The following PCYT1B variants were observed in gnomAD, a reference collection of about 807,000 sequenced individuals.
PCYT1B encodes choline-phosphate cytidylyltransferase B.
In PCYT1B, 10 loss-of-function variants were observed where a neutral mutation model predicts 26.4. The observed-to-expected ratio is 0.38, with a 90% CI of 0.23 to 0.64. The LOEUF (loss-of-function observed/expected upper bound fraction) is 0.64, where lower values mean the gene tolerates loss of function less well. Among genes scored for constraint, PCYT1B ranks in the 30% least tolerant of loss-of-function variants. The pLI, the probability that PCYT1B is intolerant of heterozygous loss-of-function variation, is 0.56. For synonymous variants in PCYT1B, 131 were observed against 108.4 expected, an observed-to-expected ratio of 1.21 and a Z score of -1.29; for missense variants, 161 against 292.7, an observed-to-expected ratio of 0.55 and a Z score of 3.28.
At position 24,575,238 on chromosome X, in the gene PCYT1B, A is replaced by G. The variant is rs147546906; in HGVS notation, c.789T>C (p.Phe263=). Residue 263 remains phenylalanine (F), a synonymous_variant, in exon 7 of 8, where the codon TTT becomes TTC. Transcript: ENST00000379144. The stretch of plus-strand genomic sequence containing the variant: ...GGCTCTTTTCTTCCACTCTGTTCAC[A>G]AATTCCTTTGATCTTTCCTCCACAT... The part of the protein sequence containing the change: ...VKNVEERSKE[F]VNRVEEKSHD... The G allele has an allele frequency of 9.5e-5, 114 of 1,206,214 alleles. No homozygotes were observed. Among genetic ancestry groups the G allele is most frequent in the Non-Finnish European group, 1.2e-4 (108 of 892,406 alleles).
intron 1 of PCYT1B, among the ~76,000 whole-genome samples, chrX:24,629,249 A>G (rs1455954132): frequency 9.0e-6 from 1 of 111,610 alleles, no homozygotes; most frequent in African/African-American, 3.2e-5. Flanking sequence ...CAGTTTAAAA[A>G]TTATCTTAAA....
intron 1 of PCYT1B, among the ~76,000 whole-genome samples, chrX:24,654,410 G>A (rs1002084555): frequency 2.6e-4 from 27 of 101,911 alleles, no homozygotes; most frequent in African/African-American, 7.8e-4. Flanking sequence ...CCTGGCCCAC[G>A]TTTCCTTTTT....
intron 1 of PCYT1B, among the ~76,000 whole-genome samples, chrX:24,630,164 T>C (rs1004235416): frequency 8.9e-6 from 1 of 112,545 alleles, no homozygotes; most frequent in Admixed American, 9.5e-5. Flanking sequence ...AACAATGTTA[T>C]ATCATATTCA....
Position 24,623,364 on chromosome X carries a change from C to CATATATATATAT in PCYT1B, c.118-4292_118-4281dup, listed in dbSNP as rs57642734. Among the ~76,000 whole-genome samples, 209 of 79,601 alleles carry CATATATATATAT rather than the reference C, an allele frequency of 2.6e-3. 3 individuals carry two copies. Among genetic ancestry groups the CATATATATATAT allele is most frequent in the South Asian group, 3.5e-3 (5 of 1,431 alleles). The allele number at this position is 79,601 out of a possible 115,157, so 69.1% of individuals were successfully genotyped here. On this transcript the variant is annotated intron_variant, in intron 1 of 7. Transcript: ENST00000379144. ...GGGTTTGGTTGGCACATGAGATTTA[C>CATATATATATAT]ATATATATATATATATATATATATA...
At chrX:24,609,487 C>A (rs1925241950) in intron 2 of PCYT1B, among the ~76,000 whole-genome samples, 1 of 112,346 alleles carries the variant, frequency 8.9e-6, no homozygotes, top group South Asian at 3.6e-4. Flanking sequence ...ATACAAAGAC[C>A]ATCAGTTAAA....
At chrX:24,590,203 T>A (rs778230686) in intron 3 of PCYT1B, 29 bp from the exon 4 acceptor site, 1 of 1,191,400 alleles carries the variant, frequency 8.4e-7, no homozygotes, top group Non-Finnish European at 1.1e-6. Flanking sequence ...TTAAATGCCA[T>A]TACTCGGCCC....
At chrX:24,573,163 C>CACAT (rs1555955754) in intron 7 of PCYT1B, among the ~76,000 whole-genome samples, 2 of 24,574 alleles carry the variant, frequency 8.1e-5, no homozygotes, top group African/African-American at 1.8e-4. Flanking sequence ...CACACACACA[C>CACAT]ATATATATAT....
intron 5 of PCYT1B, among the ~76,000 whole-genome samples, chrX:24,581,057 T>C (rs1924190416): frequency 1.8e-5 from 2 of 111,823 alleles, no homozygotes; most frequent in East Asian, 5.6e-4. Context: ...CAACACCATC[T>C]TGGTCAAAGA....
chrX:24,562,023 T>C lies in PCYT1B; in HGVS notation c.*270A>G, dbSNP rs758890219. On this transcript the variant is annotated 3_prime_UTR_variant, in exon 8 of 8. Coordinates refer to ENST00000379144, the MANE Select transcript of PCYT1B (RefSeq NM_004845.5). ...CAGTGCAAGTCTCTCTAGGGAACTC[T>C]GCATCCTTCCTTAGCAAGGTTAGAG... The C allele has an allele frequency of 4.3e-5, 48 of 1,112,499 alleles. No homozygotes were observed. Among genetic ancestry groups the C allele is most frequent in the Non-Finnish European group, 5.8e-5 (47 of 808,676 alleles). 91.7% of individuals were successfully genotyped at this position (1,112,499 alleles called of 1,213,427 possible). A position where few individuals can be genotyped will look rare whatever the true frequency, so the allele number is the denominator to read the frequency against.
At chrX:24,657,432 G>A (rs1360530782) in intron 1 of PCYT1B, among the ~76,000 whole-genome samples, 4 of 112,233 alleles carry the variant, frequency 3.6e-5, no homozygotes, top group Non-Finnish European at 5.6e-5. Flanking sequence ...TAAGACCATA[G>A]GTAATTTTCA....
At chrX:24,573,159 CACACAT>C (rs1198398322) in intron 7 of PCYT1B, among the ~76,000 whole-genome samples, 192 of 33,537 alleles carry the variant, frequency 5.7e-3, no homozygotes, top group South Asian at 0.038. Flanking sequence ...CACACACACA[CACACAT>C]ATATATATAT....
intron 2 of PCYT1B, among the ~76,000 whole-genome samples, chrX:24,618,678 C>T (rs1163862905): frequency 7.4e-5 from 8 of 107,684 alleles, no homozygotes; most frequent in South Asian, 4.1e-4. Context: ...AGTGCAGTGG[C>T]GCAATCTCGG....
At chrX:24,621,991 T>C (rs1925714378) in intron 1 of PCYT1B, 1 of 124,013 alleles carries the variant, frequency 8.1e-6, no homozygotes, top group Non-Finnish European at 1.6e-5. Context: ...TATTATGGCC[T>C]AGAAGTAGGA....
At chrX:24,669,666 G>C (rs998867290) in intron 1 of PCYT1B, among the ~76,000 whole-genome samples, 1 of 108,311 alleles carries the variant, frequency 9.2e-6, no homozygotes, top group Non-Finnish European at 1.9e-5. Context: ...AGTGAAATTG[G>C]ATGCTGGGAA....
intron 1 of PCYT1B, chrX:24,658,192 T>C (rs1926962918): frequency 8.9e-6 from 1 of 112,185 alleles, no homozygotes. Flanking sequence ...TAAACTATTA[T>C]TACAATCATC....
At chrX:24,614,286 A>T (rs1433431664) in intron 2 of PCYT1B, among the ~76,000 whole-genome samples, 1 of 112,392 alleles carries the variant, frequency 8.9e-6, no homozygotes, top group Non-Finnish European at 1.9e-5. Flanking sequence ...CCTCTTCTAG[A>T]ATTTGTACCC....
chrX:24,616,495 T>G, intron 2 of PCYT1B, among the ~76,000 whole-genome samples: 1 of 111,382 alleles, frequency 9.0e-6, no homozygotes, highest in Non-Finnish European at 1.9e-5. Flanking sequence ...CGCCTCAGCC[T>G]CCCAAAGTGC....
At chrX:24,577,898 G>C (rs1313555362) in intron 6 of PCYT1B, among the ~76,000 whole-genome samples, 1 of 110,756 alleles carries the variant, frequency 9.0e-6, no homozygotes, top group Non-Finnish European at 1.9e-5. Flanking sequence ...CCAGCAACTG[G>C]GCTGCCCTCT....
chrX:24,577,177 G>A (rs951488985), intron 6 of PCYT1B, among the ~76,000 whole-genome samples: 2 of 110,957 alleles, frequency 1.8e-5, no homozygotes, highest in African/African-American at 6.6e-5. Context: ...CTTGGACTGG[G>A]TGACTGACTG....
Sources: allele counts gnomAD v4.1 joint callset (sites outside exome capture counted in the v4.1 genomes callset), GRCh38; gene constraint gnomAD v4.1.1; transcripts MANE v1.5; gene names NCBI Gene and HGNC (gene_info 2026-07-23, HGNC 2026-07-21).